The following MED13L variants were observed in gnomAD, a reference collection of about 807,000 sequenced individuals.
MED13L encodes the protein mediator of RNA polymerase II transcription subunit 13-like.
In MED13L, 7 loss-of-function variants were observed where a neutral mutation model predicts 220.9. The observed-to-expected ratio is 0.03, with a 90% CI of 0.02 to 0.06. MED13L has a LOEUF of 0.06. Ranked by LOEUF, MED13L falls within the 10% of genes least tolerant of loss-of-function variation. MED13L has a pLI of 1.00. For synonymous variants in MED13L, 1,011 were observed against 1,015.2 expected, an observed-to-expected ratio of 1.00 and a Z score of 0.08; for missense variants, 1,965 against 2,760.5, an observed-to-expected ratio of 0.71 and a Z score of 6.46.
In MED13L at chr12:115,991,905, G is replaced by T. The variant is rs1367518543; in HGVS notation, c.3049C>A (p.Gln1017Lys). Residue 1017 changes from glutamine (Q) to lysine (K), a missense_variant, in exon 17 of 31, where the codon CAG becomes AAG. Physicochemically the swap from Gln to Lys is moderately conservative, Grantham distance 53. Coordinates refer to ENST00000281928, the MANE Select transcript of MED13L (RefSeq NM_015335.5). This position sits in a 1 kb window ranked among gnomAD's most constrained non-coding sequence, Gnocchi z 7.7. The stretch of plus-strand genomic sequence containing the variant: ...TTCAACGTCACGGGTGTGTTCATCT[G>T]TGGTGTGTTCAGATAGTCTGGATCT... ...LADPDYLNTP[Q>K]MNTPVTLNSA... is the part of the protein sequence containing the mutation. The T allele has an allele frequency of 6.2e-7, 1 of 1,600,936 alleles. No homozygotes were observed. The highest frequency in any genetic ancestry group is 8.5e-7 in the Non-Finnish European group (1 of 1,179,916).
At position 116,060,963 on chromosome 12, in the gene MED13L, T is replaced by C. The variant is rs1361839381; in HGVS notation, c.479+35706A>G. ...AAACTGAAAGCTCAAGATGATGGCA[T>C]GTGGGCATATGTGTCTTCTTTTATT... On this transcript the variant is annotated intron_variant, in intron 4 of 30. Coordinates refer to ENST00000281928, the MANE Select transcript of MED13L (RefSeq NM_015335.5). 3.3e-5 allele frequency among the ~76,000 whole-genome samples: 5 copies of C among 152,324 alleles called. No individual in the cohort carries two copies. In the East Asian group the frequency reaches 9.6e-4, roughly 29 times the overall value.
intron 4 of MED13L, among the ~76,000 whole-genome samples, chr12:116,063,104 T>C (rs148668704): frequency 6.6e-6 from 1 of 152,314 alleles, no homozygotes; most frequent in Non-Finnish European, 1.5e-5. Flanking sequence ...CAGCTGGCTA[T>C]TTGATATCCA....
chr12:116,087,281 AAGTG>A (rs1447568402), intron 4 of MED13L, among the ~76,000 whole-genome samples: 5 of 152,228 alleles, frequency 3.3e-5, no homozygotes, highest in Non-Finnish European at 7.3e-5. Flanking sequence ...AGGCAAGCTT[AAGTG>A]AGTAATTTCA....
chr12:115,969,054 A>G lies in MED13L; in HGVS notation c.6111T>C (p.Asn2037=). 1 of 1,613,606 alleles carries G rather than the reference A, an allele frequency of 6.2e-7. No individual in the cohort carries two copies. Among genetic ancestry groups the G allele is most frequent in the Non-Finnish European group, 8.5e-7 (1 of 1,179,576 alleles). ...TCCCAGTCATTAATATGCCAATATC[A>G]TTGTCCATATCATCTGGGAATGGAA... The part of the protein sequence containing the change: ...VDLPFPDDMD[N]DIGILMTGNL... The change falls in exon 28 of 31, where the codon AAT becomes AAC. Residue 2037 remains asparagine (N), a synonymous_variant. Transcript: ENST00000281928.
chr12:116,273,606 T>C (rs1873572640), intron 1 of MED13L, among the ~76,000 whole-genome samples: 1 of 152,086 alleles, frequency 6.6e-6, no homozygotes. Flanking sequence ...AAGCTTCAAA[T>C]ATAGAACTAA....
At chr12:116,276,387 T>TA (rs1418124863) in intron 1 of MED13L, 2 of 1,259,232 alleles carry the variant, frequency 1.6e-6, no homozygotes, top group South Asian at 2.5e-5. Flanking sequence ...AAACAGTTTT[T>TA]AAAAGACACA....
intron 2 of MED13L, among the ~76,000 whole-genome samples, chr12:116,147,890 C>T (rs562854430): frequency 6.7e-6 from 1 of 149,904 alleles, no homozygotes; most frequent in Admixed American, 6.6e-5. Context: ...GTTTTTTTAA[C>T]AAAAAAATTA....
At chr12:116,012,118 C>A (rs949476126) in intron 9 of MED13L, among the ~76,000 whole-genome samples, 71 of 152,250 alleles carry the variant, frequency 4.7e-4, no homozygotes, top group African/African-American at 1.6e-3. Flanking sequence ...AAATCATCAC[C>A]ACTTCTTCTA....
rs549600352 is a variant in MED13L at position 116,016,121 on chromosome 12, A to G, written c.1010-847T>C. ...ATTAAATTCTGATTGAATCACTTTC[A>G]CCTATTTGACTTAGTAAGTATATAT... On this transcript the variant is annotated intron_variant, in intron 7 of 30. Transcript: ENST00000281928. Among the ~76,000 whole-genome samples, 8 of 152,170 alleles carry G rather than the reference A, an allele frequency of 5.3e-5. No homozygotes were observed. In the East Asian group the frequency reaches 1.5e-3, roughly 29 times the overall value.
intron 2 of MED13L, among the ~76,000 whole-genome samples, chr12:116,137,935 C>T (rs867574973): frequency 6.8e-6 from 1 of 146,458 alleles, no homozygotes; most frequent in African/African-American, 2.6e-5. Context: ...CAGCTCACTG[C>T]AACCTCCGCC....
At chr12:116,051,056 G>A (rs1328865504) in intron 4 of MED13L, among the ~76,000 whole-genome samples, 9 of 151,436 alleles carry the variant, frequency 5.9e-5, no homozygotes, top group African/African-American at 1.9e-4. Context: ...TGCATAATAC[G>A]GAAAAATACC....
At chr12:116,265,066 T>A (rs1872736474) in intron 1 of MED13L, among the ~76,000 whole-genome samples, 1 of 152,106 alleles carries the variant, frequency 6.6e-6, no homozygotes, top group Non-Finnish European at 1.5e-5. Flanking sequence ...AACCCACTTA[T>A]CCAAGATTCT....
chr12:115,997,059 T>C lies in MED13L; in HGVS notation c.2741A>G (p.Lys914Arg). The C allele has an allele frequency of 6.2e-7, 1 of 1,614,152 alleles. No individual in the cohort carries two copies. Residue 914 changes from lysine (K) to arginine (R), a missense_variant, in exon 15 of 31, where the codon AAA (lysine) becomes AGA (arginine). Coordinates refer to ENST00000281928, the MANE Select transcript of MED13L (RefSeq NM_015335.5). ...SMVSTQLTEF[K>R]MEVEDGLGSP... ...TCCTAATCCATCTTCCACTTCCATT[T>C]TGAATTCTGTGAGTTGTGTTGAAAC...
intron 4 of MED13L, among the ~76,000 whole-genome samples, chr12:116,073,599 C>T (rs1351777702): frequency 1.3e-5 from 2 of 151,984 alleles, no homozygotes; most frequent in African/African-American, 4.8e-5. Flanking sequence ...GCTTAATTTG[C>T]TAAAGAAAAG....
chr12:116,123,397 A>G (rs1002375917), intron 2 of MED13L, among the ~76,000 whole-genome samples: 2 of 152,230 alleles, frequency 1.3e-5, no homozygotes, highest in Non-Finnish European at 2.9e-5. Context: ...GAACATATAC[A>G]TTTAAATTCA....
At chr12:116,186,943 C>T (rs1565918704) in intron 2 of MED13L, among the ~76,000 whole-genome samples, 1 of 152,200 alleles carries the variant, frequency 6.6e-6, no homozygotes, top group Non-Finnish European at 1.5e-5. Flanking sequence ...TCAAACCCAT[C>T]TTTTCTACTG....
chr12:115,995,675 G>A (rs773521055), intron 16 of MED13L, among the ~76,000 whole-genome samples: 18 of 152,020 alleles, frequency 1.2e-4, no homozygotes, highest in Admixed American at 2.6e-4. Flanking sequence ...CATCCACCTC[G>A]GCCTCCCAAA....
chr12:116,043,025 G>C (rs936132005), intron 4 of MED13L, among the ~76,000 whole-genome samples: 1 of 152,072 alleles, frequency 6.6e-6, no homozygotes, highest in Non-Finnish European at 1.5e-5. Flanking sequence ...TTTTTATTCA[G>C]TAACATTTAA....
intron 5 of MED13L, among the ~76,000 whole-genome samples, chr12:116,021,374 A>G (rs1188923208): frequency 6.6e-6 from 1 of 152,172 alleles, no homozygotes; most frequent in Non-Finnish European, 1.5e-5. Flanking sequence ...GGATGGAGTC[A>G]GATGGTCCTC....
Sources: allele counts gnomAD v4.1 joint callset (sites outside exome capture counted in the v4.1 genomes callset), GRCh38; gene constraint gnomAD v4.1.1; non-coding constraint Gnocchi (gnomAD v3.1); transcripts MANE v1.5; gene names NCBI Gene and HGNC (gene_info 2026-07-23, HGNC 2026-07-21).